The following RGS17 variants were observed in gnomAD, a reference collection of about 807,000 sequenced individuals.
RGS17 encodes regulator of G-protein signaling 17.
RGS17 carries 12 observed loss-of-function variants against 25.5 expected under a neutral mutation model. The ratio of observed to expected loss-of-function variants is 0.47; its 90% CI spans 0.30 to 0.76. The LOEUF is 0.76. Among genes scored for constraint, RGS17 ranks in the 30% least tolerant of loss-of-function variants. The pLI is 0.07. For missense variants in RGS17, 196 were observed against 242.2 expected, an observed-to-expected ratio of 0.81 and a Z score of 1.27; for synonymous variants, 71 against 76.9, an observed-to-expected ratio of 0.92 and a Z score of 0.40.
chr6:153,079,054 C>G (rs1776930074), intron 1 of RGS17, among the ~76,000 whole-genome samples: 1 of 150,932 alleles, frequency 6.6e-6, no homozygotes, highest in East Asian at 1.9e-4. Flanking sequence ...GTTAGAGTAT[C>G]TAAAACAATG....
intron 2 of RGS17, among the ~76,000 whole-genome samples, chr6:153,031,932 G>A (rs1480261063): frequency 6.6e-6 from 1 of 152,166 alleles, no homozygotes; most frequent in Admixed American, 6.5e-5. Flanking sequence ...AAGTGTGAAA[G>A]AGGAAGGACA....
chr6:153,123,295 T>C (rs1777663922), intron 1 of RGS17, among the ~76,000 whole-genome samples: 2 of 152,090 alleles, frequency 1.3e-5, no homozygotes. Flanking sequence ...AAATCTTACA[T>C]TAGCATACAT....
chr6:153,055,254 A>G (rs1776537399), intron 1 of RGS17, among the ~76,000 whole-genome samples: 1 of 152,118 alleles, frequency 6.6e-6, no homozygotes, highest in Admixed American at 6.5e-5. Context: ...TAAATACAGA[A>G]GGGAAAAATC....
chr6:153,039,953 G>A lies in RGS17; in HGVS notation c.119+3947C>T, dbSNP rs181658148. Among the ~76,000 whole-genome samples the A allele has an allele frequency of 1.8e-4, 28 of 152,286 alleles. No homozygotes were observed. In the East Asian group the frequency reaches 3.7e-3, roughly 20 times the overall value. On this transcript the variant is annotated intron_variant, in intron 2 of 4. Coordinates refer to ENST00000206262, the MANE Select transcript of RGS17 (RefSeq NM_012419.5). ...GAAGAAGGTTACTATCTGAAGAAAC[G>A]AGACATTCCACTTGCCAGTGTCAAC... is the stretch of plus-strand genomic sequence containing the variant.
intron 2 of RGS17, 106 bp downstream of exon 2, chr6:153,043,794 A>C (rs1776352040): frequency 1.5e-6 from 1 of 656,692 alleles, no homozygotes; most frequent in African/African-American, 1.9e-5. Context: ...AGAAAGAACA[A>C]AAAAAGACAT....
chr6:153,121,570 T>C (rs775470472), intron 1 of RGS17, among the ~76,000 whole-genome samples: 17 of 152,182 alleles, frequency 1.1e-4, no homozygotes, highest in Non-Finnish European at 2.5e-4. Flanking sequence ...TCCCCCAAAG[T>C]CTTAATAAAT....
intron 4 of RGS17, among the ~76,000 whole-genome samples, chr6:153,020,111 A>AATATAT (rs1779227259): frequency 1.3e-3 from 78 of 58,434 alleles, no homozygotes; most frequent in East Asian, 4.4e-3. Context: ...AAAAAAAAAA[A>AATATAT]ATATATATAT....
chr6:153,017,841 C>A (rs1562312424), intron 4 of RGS17, among the ~76,000 whole-genome samples: 1 of 152,072 alleles, frequency 6.6e-6, no homozygotes, highest in Non-Finnish European at 1.5e-5. Context: ...CTTTATAAGT[C>A]CATATCAAAT....
Position 153,091,251 on chromosome 6 carries a change from G to A in RGS17, c.-26+39873C>T, listed in dbSNP as rs1303505644. Among the ~76,000 whole-genome samples, 35 of 152,088 alleles carry A rather than the reference G, an allele frequency of 2.3e-4. 1 individual carries two copies. The highest frequency in any genetic ancestry group is 2.3e-3 in the Admixed American group (35 of 15,270). On this transcript the variant is annotated intron_variant, in intron 1 of 4. Coordinates refer to ENST00000206262, the MANE Select transcript of RGS17 (RefSeq NM_012419.5). ...TTGCTGCCTAGGAAAACAATCTAAAGGCACAAGTGATTCTAAAATACACTC... is the reference window on the plus strand; with the variant it reads ...TTGCTGCCTAGGAAAACAATCTAAAAGCACAAGTGATTCTAAAATACACTC...
intron 1 of RGS17, among the ~76,000 whole-genome samples, chr6:153,081,978 G>C (rs1776993477): frequency 6.6e-6 from 1 of 152,026 alleles, no homozygotes; most frequent in South Asian, 2.1e-4. Context: ...TTTTATTTAG[G>C]CTTCAATCTT....
chr6:153,019,684 C>A (rs1779220200), intron 4 of RGS17, among the ~76,000 whole-genome samples: 1 of 152,152 alleles, frequency 6.6e-6, no homozygotes, highest in African/African-American at 2.4e-5. Context: ...CTTGATCTCC[C>A]TTCATCTTAT....
At chr6:153,083,551 G>T (rs1777011765) in intron 1 of RGS17, among the ~76,000 whole-genome samples, 1 of 152,144 alleles carries the variant, frequency 6.6e-6, no homozygotes, top group Non-Finnish European at 1.5e-5. Context: ...TGGAAATAAG[G>T]TAATTAGTAC....
intron 4 of RGS17, among the ~76,000 whole-genome samples, chr6:153,018,306 AG>A (rs2129106079): frequency 6.6e-6 from 1 of 152,332 alleles, no homozygotes; most frequent in Admixed American, 6.5e-5. Flanking sequence ...TATTTGGAAA[AG>A]CACCACATTT....
intron 2 of RGS17, among the ~76,000 whole-genome samples, chr6:153,037,193 CACACACAG>C (rs1421661884): frequency 2.6e-4 from 30 of 116,110 alleles, no homozygotes; most frequent in East Asian, 7.9e-4. Flanking sequence ...CACACACACA[CACACACAG>C]ACACACACAC....
In RGS17 at chr6:153,024,349, G is replaced by A. The variant is rs755406044; in HGVS notation, c.357C>T (p.Asp119=). Reference sequence around the variant, plus strand: ...CTTTTTTGTTCTGCTCCTTCTTTAAGTCTTCACAAGCAAGCCAGAAAAGTA... The same window carrying A: ...CTTTTTTGTTCTGCTCCTTCTTTAAATCTTCACAAGCAAGCCAGAAAAGTA... The part of the protein sequence containing the change: ...ENLLFWLACE[D]LKKEQNKKVI... The change falls in exon 4 of 5, where the codon GAC becomes GAT. Residue 119 remains aspartate (D), a synonymous_variant. Transcript: ENST00000206262. 23 of 1,613,938 alleles carry A rather than the reference G, an allele frequency of 1.4e-5. No homozygotes were observed. The highest frequency in any genetic ancestry group is 1.8e-5 in the Non-Finnish European group (21 of 1,179,960).
At chr6:153,072,104 G>C (rs550504342) in intron 1 of RGS17, among the ~76,000 whole-genome samples, 2 of 152,162 alleles carry the variant, frequency 1.3e-5, no homozygotes, top group South Asian at 4.2e-4. Flanking sequence ...TGTATTCCCA[G>C]CATCTAAGGG....
chr6:153,055,888 T>C (rs896881313), intron 1 of RGS17, among the ~76,000 whole-genome samples: 1 of 152,182 alleles, frequency 6.6e-6, no homozygotes, highest in Admixed American at 6.5e-5. Flanking sequence ...CAGGGTCAGG[T>C]GCAATGATCA....
At chr6:153,089,520 T>C (rs867145470) in intron 1 of RGS17, among the ~76,000 whole-genome samples, 2 of 152,092 alleles carry the variant, frequency 1.3e-5, no homozygotes, top group Non-Finnish European at 2.9e-5. Context: ...TAAGGAGACA[T>C]GGTACTTTAG....
At position 153,024,604 on chromosome 6, in the gene RGS17, AGTG is replaced by A. The variant is rs564427219; in HGVS notation, c.210-111_210-109del. ...AAATTCTATCAATTTGCTGCCATCT[AGTG>A]GTCAGTATTTTGCCACTCAGTCCAG... On this transcript the variant is annotated intron_variant, in intron 3 of 4. Transcript: ENST00000206262. The A allele has an allele frequency of 1.2e-4, 99 of 793,494 alleles. 1 individual carries two copies. In the African/African-American group the frequency reaches 1.7e-3, roughly 13 times the overall value. 49.2% of individuals were successfully genotyped at this position (793,494 alleles called of 1,614,324 possible). A position where few individuals can be genotyped will look rare whatever the true frequency, so the allele number is the denominator to read the frequency against.
Sources: gnomAD v4.1 joint callset for allele counts (sites outside exome capture counted in the v4.1 genomes callset) on GRCh38, gnomAD v4.1.1 for gene constraint, MANE v1.5 for transcripts, NCBI Gene and HGNC (gene_info 2026-07-23, HGNC 2026-07-21) for gene names.